Variants in PCDH7 observed in about 807,000 individuals in gnomAD.
PCDH7 encodes protocadherin-7.
Under a neutral mutation model 58.9 loss-of-function variants are expected in PCDH7, and 17 were observed. That is an observed-to-expected ratio of 0.29 (90% confidence interval 0.20 to 0.43). PCDH7 has a LOEUF of 0.43. Among genes scored for constraint, PCDH7 ranks in the 20% least tolerant of loss-of-function variants. PCDH7 has a pLI of 1.00. For missense variants in PCDH7, 1,274 were observed against 1,441.0 expected (o/e 0.88, Z 1.88); for synonymous variants, 664 against 616.4 (o/e 1.08, Z -1.14).
intron 3 of PCDH7, among the ~76,000 whole-genome samples, chr4:30,986,808 C>A (rs191302422): frequency 6.6e-6 from 1 of 151,910 alleles, no homozygotes; most frequent in African/African-American, 2.4e-5. Context: ...TGGTGACATC[C>A]CGTCTCTACT....
chr4:30,893,879 A>G (rs1018338185), intron 1 of PCDH7, among the ~76,000 whole-genome samples: 1 of 152,114 alleles, frequency 6.6e-6, no homozygotes, highest in Non-Finnish European at 1.5e-5. Context: ...TTGCTAGATT[A>G]AATGTCTAGG....
intron 3 of PCDH7, among the ~76,000 whole-genome samples, chr4:31,110,417 A>G (rs977553808): frequency 1.3e-5 from 2 of 152,226 alleles, no homozygotes; most frequent in Non-Finnish European, 2.9e-5. Context: ...CCTAAAAACA[A>G]TGCAAAGATT....
intron 3 of PCDH7, among the ~76,000 whole-genome samples, chr4:30,973,714 T>TA (rs756585250): frequency 6.6e-6 from 1 of 152,140 alleles, no homozygotes; most frequent in East Asian, 1.9e-4. Flanking sequence ...ATTTTTTTTT[T>TA]ATTCTTACGT....
chr4:30,798,414 A>T (rs939522797), intron 1 of PCDH7, among the ~76,000 whole-genome samples: 1 of 152,214 alleles, frequency 6.6e-6, no homozygotes, highest in Non-Finnish European at 1.5e-5. Flanking sequence ...TTTATGTAAG[A>T]TAGGATGTAG....
At chr4:30,963,101 T>C (rs1217730613) in intron 3 of PCDH7, among the ~76,000 whole-genome samples, 1 of 152,190 alleles carries the variant, frequency 6.6e-6, no homozygotes, top group Non-Finnish European at 1.5e-5. Context: ...AGCCATCATA[T>C]GAAACTCAAA....
At chr4:30,940,925 A>G (rs1487906642) in intron 2 of PCDH7, among the ~76,000 whole-genome samples, 2 of 151,956 alleles carry the variant, frequency 1.3e-5, no homozygotes, top group Non-Finnish European at 2.9e-5. Context: ...CATTGAGAAT[A>G]TATACATACA....
At chr4:30,927,878 C>A (rs994221130) in intron 2 of PCDH7, among the ~76,000 whole-genome samples, 1 of 152,108 alleles carries the variant, frequency 6.6e-6, no homozygotes, top group African/African-American at 2.4e-5. Context: ...AACAAAAAAA[C>A]CTTGTGCTGC....
chr4:30,920,362 G>A (rs1322823006), exon 2 of PCDH7: 1 of 1,366,922 alleles, frequency 7.3e-7, no homozygotes. Context: ...CAGAGCATAT[G>A]GAAAATGGTA....
In PCDH7 at chr4:30,723,164, T is replaced by A; in HGVS notation, c.1742T>A (p.Ile581Asn). 6.2e-7 allele frequency: 1 copy of A among 1,614,078 alleles called. No individual in the cohort carries two copies. Among genetic ancestry groups the A allele is most frequent in the South Asian group, 1.1e-5 (1 of 91,070 alleles). The change falls in exon 1 of 2, where the codon ATC (isoleucine) becomes AAC (asparagine). Residue 581 changes from isoleucine (I) to asparagine (N), a missense_variant. Physicochemically the swap from Ile to Asn is moderately radical, Grantham distance 149. Transcript: ENST00000361762. This position sits in a 1 kb window ranked among gnomAD's most constrained non-coding sequence, Gnocchi z 4.6. ...TCGCTGGACTCCTCTGTGATGGGGATCTTTGCCATCGATCCCGATTCTGGG... is the reference window on the plus strand; with the variant it reads ...TCGCTGGACTCCTCTGTGATGGGGAACTTTGCCATCGATCCCGATTCTGGG...
chr4:30,957,176 G>C (rs1747949666), intron 3 of PCDH7, among the ~76,000 whole-genome samples: 1 of 152,070 alleles, frequency 6.6e-6, no homozygotes, highest in Admixed American at 6.5e-5. Flanking sequence ...AATTACCGAA[G>C]ATGTCCAATC....
At chr4:30,878,722 C>T (rs1390809370) in intron 1 of PCDH7, among the ~76,000 whole-genome samples, 7 of 151,946 alleles carry the variant, frequency 4.6e-5, no homozygotes, top group Non-Finnish European at 2.9e-5. Context: ...TGATGGTGGG[C>T]GCCTGTAATC....
chr4:31,011,811 G>A (rs1174737339), intron 3 of PCDH7, among the ~76,000 whole-genome samples: 3 of 151,574 alleles, frequency 2.0e-5, no homozygotes, highest in Non-Finnish European at 4.4e-5. Flanking sequence ...AATTACATAT[G>A]GAAAAACTGT....
At chr4:31,058,537 C>T (rs940686888) in intron 3 of PCDH7, among the ~76,000 whole-genome samples, 1 of 151,962 alleles carries the variant, frequency 6.6e-6, no homozygotes, top group African/African-American at 2.4e-5. Flanking sequence ...ATATATATGA[C>T]ATTTTGTTCC....
At chr4:30,826,127 A>G (rs1440702839) in intron 1 of PCDH7, among the ~76,000 whole-genome samples, 1 of 152,164 alleles carries the variant, frequency 6.6e-6, no homozygotes, top group Non-Finnish European at 1.5e-5. Context: ...ACACAATGGC[A>G]GATCATAAGT....
intron 1 of PCDH7, among the ~76,000 whole-genome samples, chr4:30,862,351 A>C (rs1252742439): frequency 6.6e-6 from 1 of 152,200 alleles, no homozygotes; most frequent in East Asian, 1.9e-4. Context: ...GAATTGTCAG[A>C]ATCACATTAT....
At chr4:30,865,563 A>G (rs1235718073) in intron 1 of PCDH7, among the ~76,000 whole-genome samples, 2 of 152,094 alleles carry the variant, frequency 1.3e-5, no homozygotes, top group Non-Finnish European at 2.9e-5. Flanking sequence ...GTAGAGCTCT[A>G]GCAGTGCATG....
At chr4:30,986,093 A>T (rs911481163) in intron 3 of PCDH7, among the ~76,000 whole-genome samples, 3 of 152,210 alleles carry the variant, frequency 2.0e-5, no homozygotes, top group Non-Finnish European at 4.4e-5. Context: ...TAGTTAAAAG[A>T]CTTGAGATAT....
chr4:31,015,608 C>A (rs1753546845), intron 3 of PCDH7, among the ~76,000 whole-genome samples: 1 of 152,118 alleles, frequency 6.6e-6, no homozygotes, highest in Admixed American at 6.5e-5. Context: ...TCACACTACC[C>A]AGAATCTGTC....
chr4:31,134,472 C>A (rs1206597512), intron 3 of PCDH7, among the ~76,000 whole-genome samples: 2 of 151,990 alleles, frequency 1.3e-5, no homozygotes, highest in African/African-American at 4.8e-5. Context: ...AAACAAAAAA[C>A]AAACAAACAA....
Sources: gnomAD v4.1 joint callset for allele counts (sites outside exome capture counted in the v4.1 genomes callset) on GRCh38, gnomAD v4.1.1 for gene constraint, Gnocchi (gnomAD v3.1) non-coding constraint, MANE v1.5 for transcripts, NCBI Gene and HGNC (gene_info 2026-07-23, HGNC 2026-07-21) for gene names.